SLC12A8: variants seen among roughly 807,000 people sequenced by gnomAD.
The protein encoded by SLC12A8 is cation-chloride cotransporter 9.
SLC12A8 carries 69 observed loss-of-function variants against 75.6 expected under a neutral mutation model. The ratio of observed to expected loss-of-function variants is 0.91; its 90% CI spans 0.75 to 1.11. SLC12A8 has a LOEUF of 1.11. SLC12A8 is among the 50% of genes most tolerant of loss of function. SLC12A8 has a pLI of 0.00. For synonymous variants in SLC12A8, 365 were observed against 372.8 expected (o/e 0.98, Z 0.24); for missense variants, 877 against 896.7 (o/e 0.98, Z 0.28).
At chr3:125,091,396 G>A in intron 12 of SLC12A8, 43 bp downstream of exon 12, 1 of 1,284,294 alleles carries the variant, frequency 7.8e-7, no homozygotes. Context: ...ATGAATGGTA[G>A]AGAGAATGAG....
intron 2 of SLC12A8, among the ~76,000 whole-genome samples, chr3:125,190,812 C>G (rs780538597): frequency 6.6e-6 from 1 of 152,238 alleles, no homozygotes; most frequent in Non-Finnish European, 1.5e-5. Flanking sequence ...TCCTTTTCCT[C>G]TGGTCATCAC....
At chr3:125,187,105 G>T in intron 4 of SLC12A8, 132 bp downstream of exon 4, 1 of 842,620 alleles carries the variant, frequency 1.2e-6, no homozygotes, top group South Asian at 1.7e-5. Flanking sequence ...TCCCTTCAGA[G>T]CCCCAACCTG....
intron 2 of SLC12A8, among the ~76,000 whole-genome samples, chr3:125,195,616 C>T (rs1934996041): frequency 1.3e-5 from 2 of 148,774 alleles, no homozygotes; most frequent in African/African-American, 4.9e-5. Flanking sequence ...TTCTCCATAT[C>T]TGTGCATCTT....
chr3:125,204,649 T>G (rs902742038), intron 2 of SLC12A8, among the ~76,000 whole-genome samples: 1 of 152,158 alleles, frequency 6.6e-6, no homozygotes, highest in African/African-American at 2.4e-5. Flanking sequence ...GAGTAAGTTC[T>G]AGTGTTCTAT....
intron 10 of SLC12A8, among the ~76,000 whole-genome samples, chr3:125,100,810 G>A (rs537060454): frequency 8.8e-5 from 13 of 148,052 alleles, no homozygotes; most frequent in African/African-American, 1.2e-4. Flanking sequence ...TCAGGAGATC[G>A]AGACCATCCT....
chr3:125,156,805 T>C (rs1454455133), intron 5 of SLC12A8, among the ~76,000 whole-genome samples: 1 of 152,200 alleles, frequency 6.6e-6, no homozygotes, highest in Non-Finnish European at 1.5e-5. Context: ...CCCTCCCCAT[T>C]TGTGCCTACC....
At chr3:125,190,581 G>A in intron 2 of SLC12A8, 60 bp from the exon 3 acceptor site, 1 of 1,590,858 alleles carries the variant, frequency 6.3e-7, no homozygotes, top group South Asian at 1.1e-5. Context: ...GGGATGGCAT[G>A]AGAGTGGAAC....
At chr3:125,163,346 G>T (rs1025704054) in intron 5 of SLC12A8, among the ~76,000 whole-genome samples, 1 of 151,900 alleles carries the variant, frequency 6.6e-6, no homozygotes, top group Non-Finnish European at 1.5e-5. Context: ...GGTGGTTCAC[G>T]CCTGTAATCC....
At chr3:125,191,141 GT>G (rs963488802) in intron 2 of SLC12A8, among the ~76,000 whole-genome samples, 3 of 152,230 alleles carry the variant, frequency 2.0e-5, no homozygotes, top group Admixed American at 2.0e-4. Context: ...AGTTATTTCT[GT>G]TTTCCTTACT....
chr3:125,198,991 G>A (rs1245550056), intron 2 of SLC12A8, among the ~76,000 whole-genome samples: 1 of 151,914 alleles, frequency 6.6e-6, no homozygotes, highest in African/African-American at 2.4e-5. Flanking sequence ...TGTTAGCCAG[G>A]ATGGTCTCGA....
chr3:125,102,497 T>C (rs1011790964), intron 10 of SLC12A8, among the ~76,000 whole-genome samples: 1 of 152,108 alleles, frequency 6.6e-6, no homozygotes, highest in African/African-American at 2.4e-5. Flanking sequence ...AGAGTTTTAT[T>C]TTAGAAAGAT....
intron 5 of SLC12A8, among the ~76,000 whole-genome samples, chr3:125,152,113 T>C (rs1023022310): frequency 1.2e-4 from 19 of 152,158 alleles, no homozygotes; most frequent in Non-Finnish European, 2.1e-4. Flanking sequence ...GATTGCAGAG[T>C]AATTGCTCCA....
intron 5 of SLC12A8, among the ~76,000 whole-genome samples, chr3:125,158,766 TTAAG>T (rs1196577891): frequency 3.3e-5 from 5 of 152,180 alleles, no homozygotes; most frequent in Admixed American, 3.3e-4. Flanking sequence ...ACTGCTGTGA[TTAAG>T]TATCAGCCCA....
intron 5 of SLC12A8, among the ~76,000 whole-genome samples, chr3:125,154,300 C>T (rs1189715725): frequency 3.3e-5 from 5 of 152,176 alleles, no homozygotes; most frequent in Non-Finnish European, 2.9e-5. Flanking sequence ...GAAGAGCAGG[C>T]GGCCCCAGCA....
intron 5 of SLC12A8, among the ~76,000 whole-genome samples, chr3:125,163,953 G>C (rs181054614): frequency 5.3e-5 from 8 of 152,360 alleles, no homozygotes; most frequent in Non-Finnish European, 2.9e-5. Context: ...CGTGGGACTT[G>C]AGTTTGGTCC....
chr3:125,097,032 C>T (rs965682996), intron 10 of SLC12A8, among the ~76,000 whole-genome samples: 1 of 152,048 alleles, frequency 6.6e-6, no homozygotes, highest in African/African-American at 2.4e-5. Flanking sequence ...TTAATTTTAA[C>T]AATTTAATTA....
chr3:125,143,646 C>T (rs563337248), intron 5 of SLC12A8, among the ~76,000 whole-genome samples: 8 of 152,336 alleles, frequency 5.3e-5, no homozygotes, highest in African/African-American at 1.9e-4. Flanking sequence ...AGGGGAGTCC[C>T]GCCCAGCCTG....
At chr3:125,190,673 G>GCATGCACATACACACATT (rs1934894064) in intron 2 of SLC12A8, 152 bp from the exon 3 acceptor site, 3 of 783,900 alleles carry the variant, frequency 3.8e-6, no homozygotes, top group Admixed American at 2.4e-5. Context: ...ATACACACAT[G>GCATGCACATACACACATT]CATGCACATA....
intron 12 of SLC12A8, among the ~76,000 whole-genome samples, chr3:125,089,824 T>C (rs573030796): frequency 7.3e-4 from 49 of 67,074 alleles, no homozygotes; most frequent in African/African-American, 2.9e-3. Context: ...TTTTCTAGTT[T>C]CTTAAGTTGG....
Sources: gnomAD v4.1 joint callset for allele counts (sites outside exome capture counted in the v4.1 genomes callset) on GRCh38, gnomAD v4.1.1 for gene constraint, MANE v1.5 for transcripts, NCBI Gene and HGNC (gene_info 2026-07-23, HGNC 2026-07-21) for gene names.